RABGEF1: variants seen among roughly 807,000 people sequenced by gnomAD.
The protein encoded by RABGEF1 is rab5 GDP/GTP exchange factor.
In RABGEF1, 26 loss-of-function variants were observed where a neutral mutation model predicts 57.3. The observed-to-expected ratio is 0.45, with a 90% CI of 0.33 to 0.63. The LOEUF is 0.63. RABGEF1 is among the 20% of genes least tolerant of loss of function. The probability of loss-of-function intolerance (pLI) is 0.02; values close to 1 mark genes in which losing one functional copy is unlikely to be tolerated. For missense variants in RABGEF1, 464 were observed against 607.6 expected (o/e 0.76, Z 2.48); for synonymous variants, 185 against 210.7 (o/e 0.88, Z 1.06).
At chr7:66,678,292 G>A (rs781770422), upstream of RABGEF1, among the ~76,000 whole-genome samples, 11 of 152,190 alleles carry the variant, frequency 7.2e-5, no homozygotes, top group East Asian at 1.9e-4. Flanking sequence ...TAGGCCGGGC[G>A]CGGTGGCTCA....
Position 66,805,202 on chromosome 7 carries a change from A to G in RABGEF1, c.883A>G (p.Ser295Gly). 6.2e-7 allele frequency: 1 copy of G among 1,613,758 alleles called. No individual in the cohort carries two copies. The highest frequency in any genetic ancestry group is 8.5e-7 in the Non-Finnish European group (1 of 1,179,600). ...RDKLACITKC[S>G]KHIFNAIKIT... ...CAAGCTGGCCTGCATCACCAAGTGCAGCAAGCACATCTTCAATGCCATCAA... is the reference window on the plus strand; with the variant it reads ...CAAGCTGGCCTGCATCACCAAGTGCGGCAAGCACATCTTCAATGCCATCAA... Residue 295 changes from serine to glycine, a missense_variant, in exon 8 of 9, where the codon AGC (serine) becomes GGC (glycine). This residue lies in a region of RABGEF1 where 284 missense variants were observed against 389.9 expected (regional missense o/e 0.73). Coordinates refer to ENST00000284957, the MANE Select transcript of RABGEF1 (RefSeq NM_014504.3).
At chr7:66,762,672 C>T (rs1448720660) in intron 1 of RABGEF1, among the ~76,000 whole-genome samples, 2 of 152,104 alleles carry the variant, frequency 1.3e-5, no homozygotes, top group Admixed American at 1.3e-4. Context: ...AAGTTCAAGG[C>T]CAGCCTGGGC....
chr7:66,705,015 G>A (rs1197475686), intron 1 of RABGEF1, among the ~76,000 whole-genome samples: 1 of 152,086 alleles, frequency 6.6e-6, no homozygotes, highest in Non-Finnish European at 1.5e-5. Context: ...TTTGTTACAT[G>A]TATACCTAAG....
rs531732276 is a variant in RABGEF1, at chr7:66,763,934, G to T, written c.-17-7949G>T. The stretch of plus-strand genomic sequence containing the variant: ...CTCTTGGACTATTATGGATAATGCT[G>T]ATATAAACATTCACGTACAAGTTTC... On this transcript the variant is annotated intron_variant, in intron 1 of 8. Coordinates refer to ENST00000284957, the MANE Select transcript of RABGEF1 (RefSeq NM_014504.3). 7.4e-4 allele frequency among the ~76,000 whole-genome samples: 113 copies of T among 152,228 alleles called. 2 individuals carry two copies. In the South Asian group the frequency reaches 0.022, roughly 30 times the overall value.
chr7:66,726,460 G>A (rs980723943), intron 2 of RABGEF1, among the ~76,000 whole-genome samples: 9 of 152,090 alleles, frequency 5.9e-5, no homozygotes, highest in African/African-American at 1.9e-4. Context: ...CAACTCCTGG[G>A]TTCAAGCGAT....
At chr7:66,737,973 C>T (rs572257795), upstream of RABGEF1, among the ~76,000 whole-genome samples, 4 of 151,832 alleles carry the variant, frequency 2.6e-5, no homozygotes, top group Non-Finnish European at 5.9e-5. Context: ...GAGGCCGCTC[C>T]GGTCTATTTT....
Position 66,805,446 on chromosome 7 carries a change from G to A in RABGEF1, c.1077+50G>A, listed in dbSNP as rs112436625. On this transcript the variant is annotated intron_variant, in intron 8 of 8. Coordinates refer to ENST00000284957, the MANE Select transcript of RABGEF1 (RefSeq NM_014504.3). Reference sequence around the variant, plus strand: ...GTGGAGAAGGACTAGGAAGGTGGTGGTTTTGGGGATGTGACAGGTCACTTA... The same window carrying A: ...GTGGAGAAGGACTAGGAAGGTGGTGATTTTGGGGATGTGACAGGTCACTTA... 2.0e-4 allele frequency: 328 copies of A among 1,602,732 alleles called. 1 individual carries two copies. In the African/African-American group the frequency reaches 3.7e-3, roughly 18 times the overall value.
chr7:66,740,066 T>A (rs548544190), upstream of RABGEF1: 1 of 152,376 alleles, frequency 6.6e-6, no homozygotes, highest in Non-Finnish European at 1.5e-5. Flanking sequence ...TCCTGGGCTA[T>A]CAAGCGATCC....
chr7:66,805,809 A>G (rs763867240), intron 8 of RABGEF1, among the ~76,000 whole-genome samples: 4 of 152,062 alleles, frequency 2.6e-5, no homozygotes, highest in Non-Finnish European at 4.4e-5. Flanking sequence ...CAGTGGTACA[A>G]TCATAGCTCA....
chr7:66,769,296 G>A (rs563772069), intron 1 of RABGEF1, among the ~76,000 whole-genome samples: 23 of 152,328 alleles, frequency 1.5e-4, no homozygotes, highest in African/African-American at 5.1e-4. Context: ...AATCTGTGAG[G>A]CCTCTCTCCC....
chr7:66,699,501 G>A (rs1446101527), intron 1 of RABGEF1, among the ~76,000 whole-genome samples: 1 of 152,146 alleles, frequency 6.6e-6, no homozygotes, highest in Non-Finnish European at 1.5e-5. Context: ...GACCAGCCTG[G>A]CCAACGTGGT....
intron 4 of RABGEF1, among the ~76,000 whole-genome samples, chr7:66,791,948 C>A (rs1812767338): frequency 6.6e-6 from 1 of 152,028 alleles, no homozygotes; most frequent in African/African-American, 2.4e-5. Flanking sequence ...CCTGTCTCTA[C>A]TAGAAATAAA....
Position 66,805,091 on chromosome 7 carries a change from T to A in RABGEF1, c.821-49T>A, listed in dbSNP as rs1378040301. 3.9e-6 allele frequency: 6 copies of A among 1,529,710 alleles called. No individual in the cohort carries two copies. In the African/African-American group the frequency reaches 8.2e-5, roughly 21 times the overall value. 94.8% of individuals were successfully genotyped at this position (1,529,710 alleles called of 1,614,324 possible). On this transcript the variant is annotated intron_variant, in intron 7 of 8. Coordinates refer to ENST00000284957, the MANE Select transcript of RABGEF1 (RefSeq NM_014504.3). ...AAAACATGATTTTCCTATTGCTTCT[T>A]TTTTGTGATTCTTTTCTCCTGGGAA...
intron 2 of RABGEF1, among the ~76,000 whole-genome samples, chr7:66,726,048 G>T (rs547582643): frequency 6.6e-6 from 1 of 152,162 alleles, no homozygotes; most frequent in Non-Finnish European, 1.5e-5. Context: ...CTCTCGGGAG[G>T]ACCTGCCAGC....
intron 2 of RABGEF1, among the ~76,000 whole-genome samples, chr7:66,727,111 G>C (rs1428200966): frequency 4.6e-5 from 7 of 152,212 alleles, no homozygotes; most frequent in Non-Finnish European, 1.0e-4. Context: ...GAATTGTATG[G>C]TGTGTGAATT....
At chr7:66,678,945 C>T (rs1307753550), upstream of RABGEF1, among the ~76,000 whole-genome samples, 1 of 152,178 alleles carries the variant, frequency 6.6e-6, no homozygotes, top group African/African-American at 2.4e-5. Context: ...TAAAGAATCC[C>T]TCCTCTAAAC....
chr7:66,744,456 CAGG>C (rs1006396966), intron 1 of RABGEF1, among the ~76,000 whole-genome samples: 5 of 151,838 alleles, frequency 3.3e-5, no homozygotes, highest in African/African-American at 9.7e-5. Context: ...ATCACGAGGT[CAGG>C]AGATCAAGAC....
intron 2 of RABGEF1, chr7:66,774,000 A>G (rs1807899106): frequency 3.1e-6 from 1 of 319,206 alleles, no homozygotes; most frequent in Non-Finnish European, 6.2e-6. Context: ...GTTCACATGC[A>G]GCTAATCCAA....
intron 1 of RABGEF1, among the ~76,000 whole-genome samples, chr7:66,686,105 C>T (rs1035045476): frequency 6.6e-6 from 1 of 152,024 alleles, no homozygotes; most frequent in African/African-American, 2.4e-5. Context: ...GACTGCGAAA[C>T]CCCGTCTCTA....
Sources: allele counts gnomAD v4.1 joint callset (sites outside exome capture counted in the v4.1 genomes callset), GRCh38; gene constraint gnomAD v4.1.1; regional missense constraint gnomAD v4.1.1; transcripts MANE v1.5; gene names NCBI Gene and HGNC (gene_info 2026-07-23, HGNC 2026-07-21).